Variants in ST6GALNAC3 observed in about 807,000 individuals in gnomAD.
ST6GALNAC3 encodes the protein ST6 N-acetylgalactosaminide alpha-2,6-sialyltransferase 3.
A neutral mutation model predicts 32.7 loss-of-function variants in ST6GALNAC3; 25 were observed. That is an observed-to-expected ratio of 0.76 (90% CI 0.56 to 1.07). The LOEUF (loss-of-function observed/expected upper bound fraction) is 1.07. ST6GALNAC3 is among the 50% of genes least tolerant of loss of function. The pLI, the probability that ST6GALNAC3 is intolerant of heterozygous loss-of-function variation, is 0.00. For synonymous variants in ST6GALNAC3, 129 were observed against 133.1 expected, an observed-to-expected ratio of 0.97 and a Z score of 0.21; for missense variants, 355 against 382.4, an observed-to-expected ratio of 0.93 and a Z score of 0.60.
chr1:76,099,982 A>G (rs1647191389), intron 1 of ST6GALNAC3, among the ~76,000 whole-genome samples: 1 of 152,112 alleles, frequency 6.6e-6, no homozygotes, highest in Non-Finnish European at 1.5e-5. Flanking sequence ...TCAAAGAAAT[A>G]TCCACTTATT....
chr1:76,615,520 G>C (rs1648236775), intron 3 of ST6GALNAC3, among the ~76,000 whole-genome samples: 1 of 152,220 alleles, frequency 6.6e-6, no homozygotes. Context: ...TAGGCCTAAA[G>C]TGTTATCACC....
chr1:76,583,321 G>T (rs998294971), intron 3 of ST6GALNAC3, among the ~76,000 whole-genome samples: 1 of 152,180 alleles, frequency 6.6e-6, no homozygotes, highest in Non-Finnish European at 1.5e-5. Flanking sequence ...GCAAGTGATA[G>T]TGCTGAGACT....
intron 2 of ST6GALNAC3, among the ~76,000 whole-genome samples, chr1:76,346,675 A>G (rs916420656): frequency 1.3e-5 from 2 of 152,152 alleles, no homozygotes; most frequent in Non-Finnish European, 2.9e-5. Flanking sequence ...TGTGGCTTCC[A>G]ATTCCTACGG....
intron 3 of ST6GALNAC3, among the ~76,000 whole-genome samples, chr1:76,415,760 C>A (rs1654577912): frequency 6.6e-6 from 1 of 152,036 alleles, no homozygotes. Context: ...GTTAAGAGAG[C>A]ATAATATTAG....
At chr1:76,210,103 A>T (rs1383137435) in intron 1 of ST6GALNAC3, among the ~76,000 whole-genome samples, 1 of 151,760 alleles carries the variant, frequency 6.6e-6, no homozygotes, top group African/African-American at 2.4e-5. Flanking sequence ...CAGAATACAC[A>T]TGCAGGACAT....
At chr1:76,219,065 G>C (rs1193058697) in intron 1 of ST6GALNAC3, among the ~76,000 whole-genome samples, 1 of 152,138 alleles carries the variant, frequency 6.6e-6, no homozygotes, top group Non-Finnish European at 1.5e-5. Context: ...GTATGTAAAG[G>C]AACTGAAACT....
At chr1:76,497,994 T>A (rs1483688627) in intron 3 of ST6GALNAC3, among the ~76,000 whole-genome samples, 1 of 152,180 alleles carries the variant, frequency 6.6e-6, no homozygotes, top group African/African-American at 2.4e-5. Flanking sequence ...GACAGGACCA[T>A]GATATTGTTA....
At chr1:76,610,669 G>T (rs1308538850) in intron 3 of ST6GALNAC3, among the ~76,000 whole-genome samples, 3 of 152,202 alleles carry the variant, frequency 2.0e-5, no homozygotes, top group African/African-American at 7.2e-5. Context: ...GAGAATGTTG[G>T]ACATTTACAG....
intron 1 of ST6GALNAC3, among the ~76,000 whole-genome samples, chr1:76,108,037 GAGTAA>G (rs1323827053): frequency 3.9e-5 from 6 of 152,200 alleles, no homozygotes; most frequent in African/African-American, 1.2e-4. Context: ...AAATGATGAA[GAGTAA>G]AGTAATGTTT....
intron 3 of ST6GALNAC3, among the ~76,000 whole-genome samples, chr1:76,616,912 C>T (rs941554422): frequency 3.9e-5 from 6 of 152,106 alleles, no homozygotes; most frequent in Admixed American, 6.5e-5. Flanking sequence ...CCTTTCTTAA[C>T]GAGAAGGTCA....
chr1:76,474,495 C>G (rs1659225132), intron 3 of ST6GALNAC3, among the ~76,000 whole-genome samples: 1 of 152,084 alleles, frequency 6.6e-6, no homozygotes, highest in Non-Finnish European at 1.5e-5. Context: ...AGATAAAGAA[C>G]TGGATTTTGG....
At chr1:76,372,210 A>G (rs1016270279) in intron 2 of ST6GALNAC3, among the ~76,000 whole-genome samples, 3 of 152,196 alleles carry the variant, frequency 2.0e-5, no homozygotes, top group African/African-American at 7.2e-5. Context: ...AGACTGATTA[A>G]GAGCTCTGCC....
intron 1 of ST6GALNAC3, among the ~76,000 whole-genome samples, chr1:76,185,263 G>A (rs1213563632): frequency 6.6e-6 from 1 of 152,162 alleles, no homozygotes; most frequent in East Asian, 1.9e-4. Context: ...TTGTGGATCT[G>A]CAGGCACTGG....
At chr1:76,510,988 A>C (rs1342962130) in intron 3 of ST6GALNAC3, among the ~76,000 whole-genome samples, 3 of 152,094 alleles carry the variant, frequency 2.0e-5, no homozygotes, top group African/African-American at 7.2e-5. Flanking sequence ...ATTGGGGACT[A>C]TCTGTATGTA....
intron 1 of ST6GALNAC3, among the ~76,000 whole-genome samples, chr1:76,195,624 A>G (rs1335430092): frequency 2.6e-5 from 4 of 152,206 alleles, no homozygotes; most frequent in Non-Finnish European, 5.9e-5. Flanking sequence ...TTTACTGACC[A>G]TTGCTTTTGT....
intron 1 of ST6GALNAC3, among the ~76,000 whole-genome samples, chr1:76,219,409 G>A (rs1655645390): frequency 1.3e-5 from 2 of 152,210 alleles, no homozygotes; most frequent in South Asian, 4.1e-4. Flanking sequence ...GAGGTCCCAT[G>A]TGATTCAGTG....
intron 3 of ST6GALNAC3, among the ~76,000 whole-genome samples, chr1:76,565,905 C>T (rs1368149681): frequency 2.6e-5 from 4 of 152,158 alleles, no homozygotes; most frequent in Non-Finnish European, 5.9e-5. Flanking sequence ...TTATCTCTAT[C>T]ATAAGATTAG....
chr1:76,308,211 A>G (rs910010457), intron 1 of ST6GALNAC3, among the ~76,000 whole-genome samples: 2 of 152,132 alleles, frequency 1.3e-5, no homozygotes, highest in African/African-American at 4.8e-5. Flanking sequence ...TGCATTTCAT[A>G]TGGTCTGACC....
intron 3 of ST6GALNAC3, among the ~76,000 whole-genome samples, chr1:76,563,653 C>T (rs1665379296): frequency 6.6e-6 from 1 of 152,256 alleles, no homozygotes; most frequent in Non-Finnish European, 1.5e-5. Context: ...TTACAAAGTA[C>T]TTCACATATA....
Sources: gnomAD v4.1 joint callset for allele counts (sites outside exome capture counted in the v4.1 genomes callset) on GRCh38, gnomAD v4.1.1 for gene constraint, MANE v1.5 for transcripts, NCBI Gene and HGNC (gene_info 2026-07-23, HGNC 2026-07-21) for gene names.